Variants in ZDHHC5 observed in about 807,000 individuals in gnomAD.
The protein encoded by ZDHHC5 is palmitoyltransferase ZDHHC5.
ZDHHC5 carries 22 observed loss-of-function variants against 70.0 expected under a neutral mutation model. The observed-to-expected ratio is 0.31, with a 90% confidence interval of 0.22 to 0.45. The LOEUF (loss-of-function observed/expected upper bound fraction) is 0.45, where lower values mean the gene tolerates loss of function less well. ZDHHC5 is among the 20% of genes least tolerant of loss of function. ZDHHC5 has a pLI of 1.00. For missense variants in ZDHHC5, 746 were observed against 926.9 expected, an observed-to-expected ratio of 0.80 and a Z score of 2.53; for synonymous variants, 313 against 347.8, an observed-to-expected ratio of 0.90 and a Z score of 1.11.
chr11:57,688,806 TTAA>T, intron 4 of ZDHHC5, 141 bp downstream of exon 4: 1 of 893,060 alleles, frequency 1.1e-6, no homozygotes, highest in Non-Finnish European at 1.5e-6. Flanking sequence ...TCAAATGGTG[TTAA>T]TAATGACATG....
Position 57,699,180 on chromosome 11 carries a change from C to T in ZDHHC5, c.1744C>T (p.Arg582Cys), listed in dbSNP as rs1419798204. ...QSTPGSGHAP[R>C]TSSSSDDSKR... The stretch of plus-strand genomic sequence containing the variant: ...AACACCAGGCTCGGGCCATGCCCCT[C>T]GTACTAGTTCCTCCTCAGATGATTC... The change falls in exon 11 of 12, where the codon CGT (arginine) becomes TGT (cysteine). Residue 582 changes from arginine to cysteine, a missense_variant. Coordinates refer to ENST00000287169, the MANE Select transcript of ZDHHC5 (RefSeq NM_015457.3). The T allele has an allele frequency of 8.7e-6, 14 of 1,614,256 alleles. No homozygotes were observed. The East Asian group carries it at 8.9e-5, about 10-fold the overall frequency.
intron 7 of ZDHHC5, among the ~76,000 whole-genome samples, chr11:57,693,082 G>A (rs1412370293): frequency 6.6e-6 from 1 of 152,012 alleles, no homozygotes; most frequent in African/African-American, 2.4e-5. Flanking sequence ...CGAGGTGGGC[G>A]AATCACTTGA....
chr11:57,690,519 C>A, intron 6 of ZDHHC5, 82 bp downstream of exon 6: 2 of 1,390,272 alleles, frequency 1.4e-6, no homozygotes, highest in Admixed American at 3.5e-5. Flanking sequence ...TGTAGTGCTT[C>A]CACAAAGAGA....
chr11:57,691,015 C>T (rs930034701), intron 6 of ZDHHC5, among the ~76,000 whole-genome samples: 1 of 152,088 alleles, frequency 6.6e-6, no homozygotes, highest in South Asian at 2.1e-4. Flanking sequence ...AAGATACTCT[C>T]AAAGAGATAC....
At chr11:57,675,363 T>C (rs1484725845) in intron 2 of ZDHHC5, among the ~76,000 whole-genome samples, 1 of 152,236 alleles carries the variant, frequency 6.6e-6, no homozygotes, top group Non-Finnish European at 1.5e-5. Context: ...TTTGACTGGT[T>C]ATACCAGTTT....
At chr11:57,694,619 C>A (rs899134910) in intron 8 of ZDHHC5, among the ~76,000 whole-genome samples, 10 of 152,146 alleles carry the variant, frequency 6.6e-5, no homozygotes, top group Non-Finnish European at 1.3e-4. Flanking sequence ...CCCTCAGCCT[C>A]CCAAAATGCT....
intron 10 of ZDHHC5, among the ~76,000 whole-genome samples, chr11:57,698,246 A>G (rs910324174): frequency 2.6e-5 from 4 of 152,062 alleles, no homozygotes; most frequent in South Asian, 2.1e-4. Flanking sequence ...GTGGAACTCA[A>G]TCTCCTTGAT....
At chr11:57,686,208 C>T (rs978175354) in intron 3 of ZDHHC5, among the ~76,000 whole-genome samples, 1 of 152,018 alleles carries the variant, frequency 6.6e-6, no homozygotes, top group African/African-American at 2.4e-5. Context: ...CCCAGGAGTT[C>T]AGGGCTGCAG....
At chr11:57,677,739 C>T (rs1347036281) in intron 2 of ZDHHC5, among the ~76,000 whole-genome samples, 2 of 152,170 alleles carry the variant, frequency 1.3e-5, no homozygotes, top group African/African-American at 2.4e-5. Context: ...TGGCCGACCT[C>T]CATGGAGTTC....
At chr11:57,683,972 A>ATTTTTTT (rs11435194) in intron 3 of ZDHHC5, among the ~76,000 whole-genome samples, 1 of 135,864 alleles carries the variant, frequency 7.4e-6, no homozygotes, top group Non-Finnish European at 1.5e-5. Context: ...CTAATAATTA[A>ATTTTTTT]TTTTTTTTTT....
chr11:57,676,876 G>A (rs1946077885), intron 2 of ZDHHC5, among the ~76,000 whole-genome samples: 1 of 151,206 alleles, frequency 6.6e-6, no homozygotes, highest in Admixed American at 6.6e-5. Context: ...AAAGCTGGTG[G>A]GAGGGGGCAG....
intron 1 of ZDHHC5, among the ~76,000 whole-genome samples, chr11:57,669,782 T>A (rs938587448): frequency 6.6e-6 from 1 of 152,242 alleles, no homozygotes; most frequent in Non-Finnish European, 1.5e-5. Context: ...TTGTATACTT[T>A]TTTGATACTA....
intron 4 of ZDHHC5, among the ~76,000 whole-genome samples, chr11:57,689,522 C>T (rs1220382649): frequency 1.3e-5 from 2 of 152,000 alleles, no homozygotes; most frequent in African/African-American, 4.8e-5. Context: ...GGATTACAGG[C>T]ACGCGCTACC....
chr11:57,679,869 C>A (rs752278821), intron 2 of ZDHHC5, among the ~76,000 whole-genome samples: 1 of 152,062 alleles, frequency 6.6e-6, no homozygotes, highest in South Asian at 2.1e-4. Context: ...AGCAATGGTT[C>A]TGTGAATCTA....
At chr11:57,669,922 G>T (rs926336304) in intron 1 of ZDHHC5, among the ~76,000 whole-genome samples, 7 of 152,100 alleles carry the variant, frequency 4.6e-5, no homozygotes, top group East Asian at 1.9e-4. Context: ...TTAGGTTTTT[G>T]ATTTCCCTTC....
Position 57,699,125 on chromosome 11 carries a change from A to G in ZDHHC5, c.1689A>G (p.Glu563=). ...CCCCACTCCCGGGCCGTGAGGAAGA[A>G]CCAGGCTTGGGGGACTCAGGCATTC... ...QSPPLPGREE[E]PGLGDSGIQS... Residue 563 remains glutamate, a synonymous_variant, in exon 11 of 12, where the codon GAA becomes GAG. Coordinates refer to ENST00000287169, the MANE Select transcript of ZDHHC5 (RefSeq NM_015457.3). 6.2e-7 allele frequency: 1 copy of G among 1,614,202 alleles called. No individual in the cohort carries two copies. The highest frequency in any genetic ancestry group is 8.5e-7 in the Non-Finnish European group (1 of 1,180,022).
Position 57,672,381 on chromosome 11 carries a change from T to G in ZDHHC5, c.-710T>G. 2.5e-6 allele frequency: 1 copy of G among 395,354 alleles called. No individual in the cohort carries two copies. Among genetic ancestry groups the G allele is most frequent in the Middle Eastern group, 6.3e-4 (1 of 1,576 alleles). 24.5% of individuals were successfully genotyped at this position (395,354 alleles called of 1,614,324 possible). A position where few individuals can be genotyped will look rare whatever the true frequency, so the allele number is the denominator to read the frequency against. ...AAACTTAGAACAGCTGTTGTCCAGC[T>G]TTAGCCATCAAGAGAGAAATAAATT... On this transcript the variant is annotated 5_prime_UTR_variant, in exon 2 of 12. Transcript: ENST00000287169.
chr11:57,669,970 T>C (rs544250150), intron 1 of ZDHHC5, among the ~76,000 whole-genome samples: 1 of 152,366 alleles, frequency 6.6e-6, no homozygotes, highest in Non-Finnish European at 1.5e-5. Flanking sequence ...TGCTGTTCTC[T>C]TTTGTGTTCC....
chr11:57,695,836 C>T, intron 8 of ZDHHC5, 84 bp from the exon 9 acceptor site: 1 of 1,491,792 alleles, frequency 6.7e-7, no homozygotes, highest in Non-Finnish European at 9.0e-7. Context: ...CTCCCAAATA[C>T]CTCCCTCTTA....
Sources: allele counts gnomAD v4.1 joint callset (sites outside exome capture counted in the v4.1 genomes callset), GRCh38; gene constraint gnomAD v4.1.1; transcripts MANE v1.5; gene names NCBI Gene and HGNC (gene_info 2026-07-23, HGNC 2026-07-21).